PRRC2C: variants seen among roughly 807,000 people sequenced by gnomAD.
PRRC2C encodes protein PRRC2C.
PRRC2C carries 72 observed loss-of-function variants against 317.2 expected under a neutral mutation model. The ratio of observed to expected loss-of-function variants is 0.23; its 90% confidence interval spans 0.19 to 0.28. PRRC2C has a LOEUF of 0.28. PRRC2C is among the 10% of genes least tolerant of loss of function. The probability of loss-of-function intolerance (pLI) is 1.00; values close to 1 mark genes in which losing one functional copy is unlikely to be tolerated. For missense variants in PRRC2C, 3,074 were observed against 3,459.7 expected, an observed-to-expected ratio of 0.89 and a Z score of 2.80; for synonymous variants, 1,296 against 1,205.9, an observed-to-expected ratio of 1.07 and a Z score of -1.55.
At chr1:171,536,336 T>C in intron 14 of PRRC2C, 58 bp downstream of exon 14, 5 of 1,530,032 alleles carry the variant, frequency 3.3e-6, no homozygotes, top group Non-Finnish European at 4.5e-6. Context: ...TCCCTGCTTT[T>C]AGTTTCAGTT....
In PRRC2C at chr1:171,513,882, T is replaced by C. The variant is rs1671832730; in HGVS notation, c.291-654T>C. 2.0e-5 allele frequency among the ~76,000 whole-genome samples: 3 copies of C among 152,240 alleles called. No homozygotes were observed. In the South Asian group the frequency reaches 6.2e-4, roughly 31 times the overall value. ...CAAATACGTAAATGCTTGTTAGCTG[T>C]AGTAAAATTATTTTATAGTAATGAG... On this transcript the variant is annotated intron_variant, in intron 3 of 34. Transcript: ENST00000647382.
rs1433776441 is a variant in PRRC2C, at chr1:171,517,655, A to G, written c.591A>G (p.Glu197=). ...CACCTTCGTCATCTGATCAAGATGAAAAGCTCCCTGGCCAGGATGAAAGCA... is the reference window on the plus strand; with the variant it reads ...CACCTTCGTCATCTGATCAAGATGAGAAGCTCCCTGGCCAGGATGAAAGCA... The part of the protein sequence containing the change: ...AGSPSSSDQD[E]KLPGQDESTA... The change falls in exon 6 of 35, where the codon GAA becomes GAG. Residue 197 remains glutamate (E), a synonymous_variant. Coordinates refer to ENST00000647382, the MANE Select transcript of PRRC2C (RefSeq NM_001387844.1). 1 of 1,613,172 alleles carries G rather than the reference A, an allele frequency of 6.2e-7. No individual in the cohort carries two copies. Among genetic ancestry groups the G allele is most frequent in the African/African-American group, 1.3e-5 (1 of 74,672 alleles).
chr1:171,586,733 A>AC (rs1319183090), intron 30 of PRRC2C, among the ~76,000 whole-genome samples: 1 of 150,038 alleles, frequency 6.7e-6, no homozygotes, highest in Non-Finnish European at 1.5e-5. Flanking sequence ...GGCACATGCC[A>AC]CCACATGCAG....
intron 1 of PRRC2C, among the ~76,000 whole-genome samples, chr1:171,499,676 CACCTGT>C (rs1668741911): frequency 1.3e-5 from 2 of 152,084 alleles, no homozygotes; most frequent in Non-Finnish European, 2.9e-5. Flanking sequence ...TGGTGGCAGA[CACCTGT>C]AATCCCAGCT....
chr1:171,527,404 A>G (rs1674837244), intron 10 of PRRC2C, among the ~76,000 whole-genome samples: 1 of 151,684 alleles, frequency 6.6e-6, no homozygotes, highest in African/African-American at 2.4e-5. Flanking sequence ...AAGTGCTGGG[A>G]TTACACGTGT....
intron 4 of PRRC2C, among the ~76,000 whole-genome samples, chr1:171,515,196 A>G (rs907219660): frequency 1.3e-5 from 2 of 152,268 alleles, no homozygotes; most frequent in Admixed American, 6.5e-5. Context: ...TCAAGCTAAC[A>G]AAACTAGCTG....
At chr1:171,554,910 C>T (rs1681052225) in intron 18 of PRRC2C, among the ~76,000 whole-genome samples, 1 of 152,202 alleles carries the variant, frequency 6.6e-6, no homozygotes, top group Admixed American at 6.5e-5. Context: ...TCCTTCATTT[C>T]AACCTTGGTG....
Position 171,538,527 on chromosome 1 carries a change from TA to T in PRRC2C, c.2504+1055del, listed in dbSNP as rs940852305. 6.6e-4 allele frequency among the ~76,000 whole-genome samples: 100 copies of T among 152,284 alleles called. 1 individual carries two copies. Among genetic ancestry groups the T allele is most frequent in the African/African-American group, 2.4e-3 (98 of 41,558 alleles). Reference sequence around the variant, plus strand: ...GAACTTCCTGCCCTTTTATGGGCTATATTTTTTTGGTAATGTTTTATAATGT... The same window carrying T: ...GAACTTCCTGCCCTTTTATGGGCTATTTTTTTTGGTAATGTTTTATAATGT... On this transcript the variant is annotated intron_variant, in intron 15 of 34. Coordinates refer to ENST00000647382, the MANE Select transcript of PRRC2C (RefSeq NM_001387844.1).
intron 16 of PRRC2C, among the ~76,000 whole-genome samples, chr1:171,545,209 CAAAT>C (rs1383312288): frequency 6.6e-6 from 1 of 152,090 alleles, no homozygotes; most frequent in African/African-American, 2.4e-5. Context: ...ATATGATAGA[CAAAT>C]AGACTCTAAG....
chr1:171,555,340 G>A (rs574303066), intron 18 of PRRC2C, among the ~76,000 whole-genome samples: 2 of 152,178 alleles, frequency 1.3e-5, no homozygotes, highest in Non-Finnish European at 2.9e-5. Flanking sequence ...TTTCTACACT[G>A]TTTATTCTAG....
chr1:171,489,660 A>C (rs1328116614), intron 1 of PRRC2C, among the ~76,000 whole-genome samples: 1 of 152,214 alleles, frequency 6.6e-6, no homozygotes. Context: ...GATCTATTTA[A>C]ATCCATATTG....
rs764716693 is a variant in PRRC2C at position 171,542,050 on chromosome 1, G to C, written c.4584G>C (p.Lys1528Asn). ...ACTTGAATGCACAAACAGTTGTAAAGGTTGGAGAGAATGTTCTACCTCCAA... is the reference window on the plus strand; with the variant it reads ...ACTTGAATGCACAAACAGTTGTAAACGTTGGAGAGAATGTTCTACCTCCAA... ...NADLNAQTVV[K>N]VGENVLPPKR... Residue 1528 changes from lysine (K) to asparagine (N), a missense_variant, in exon 16 of 35, where the codon AAG becomes AAC. By Grantham distance (94) the Lys-to-Asn change is moderately conservative (BLOSUM62 0). Around this residue, in one of 11 missense-constraint regions of PRRC2C, gnomAD observed 178 missense variants for 163.0 expected, o/e 1.09. Transcript: ENST00000647382. 5.0e-6 allele frequency: 8 copies of C among 1,613,940 alleles called. No individual in the cohort carries two copies. The highest frequency in any genetic ancestry group is 6.8e-6 in the Non-Finnish European group (8 of 1,179,882).
intron 21 of PRRC2C, 35 bp downstream of exon 21, chr1:171,566,456 G>A (rs1183571357): frequency 6.6e-7 from 1 of 1,520,548 alleles, no homozygotes; most frequent in East Asian, 2.4e-5. Flanking sequence ...AAAATTTTAT[G>A]AAGGCCACTG....
chr1:171,557,742 C>T lies in PRRC2C; in HGVS notation c.5630C>T (p.Thr1877Met), dbSNP rs993366083. 5.7e-5 allele frequency: 89 copies of T among 1,551,346 alleles called. No homozygotes were observed. The highest frequency in any genetic ancestry group is 2.6e-4 in the Admixed American group (13 of 50,944). The change falls in exon 19 of 35, where the codon ACG (threonine) becomes ATG (methionine). Residue 1877 changes from threonine to methionine, a missense_variant. By Grantham distance (81) the Thr-to-Met change is moderately conservative. Around this residue, in one of 11 missense-constraint regions of PRRC2C, gnomAD observed 640 missense variants for 676.1 expected, o/e 0.95. Coordinates refer to ENST00000647382, the MANE Select transcript of PRRC2C (RefSeq NM_001387844.1). ...ASALASTSAPTPAPAASSPAA... is the reference protein window; with the variant it reads ...ASALASTSAPMPAPAASSPAA... Reference sequence around the variant, plus strand: ...GCCCTAGCATCAACTTCAGCTCCAACGCCAGCCCCAGCAGCCTCTTCCCCA... The same window carrying T: ...GCCCTAGCATCAACTTCAGCTCCAATGCCAGCCCCAGCAGCCTCTTCCCCA...
intron 17 of PRRC2C, among the ~76,000 whole-genome samples, chr1:171,548,386 C>T (rs1040454003): frequency 6.6e-6 from 1 of 152,198 alleles, no homozygotes; most frequent in African/African-American, 2.4e-5. Context: ...GTGACCACTT[C>T]CTTGATCATA....
At chr1:171,580,476 C>T (rs1242438297) in intron 28 of PRRC2C, among the ~76,000 whole-genome samples, 1 of 152,112 alleles carries the variant, frequency 6.6e-6, no homozygotes, top group African/African-American at 2.4e-5. Flanking sequence ...TGTAAGTTAC[C>T]TTTGCAACTA....
At chr1:171,581,422 G>A (rs1196446579) in intron 28 of PRRC2C, among the ~76,000 whole-genome samples, 1 of 152,132 alleles carries the variant, frequency 6.6e-6, no homozygotes, top group Non-Finnish European at 1.5e-5. Context: ...CACAGGCCGT[G>A]GGAGGTGGAG....
intron 10 of PRRC2C, among the ~76,000 whole-genome samples, chr1:171,526,993 G>A (rs1453879655): frequency 1.3e-5 from 2 of 151,580 alleles, no homozygotes; most frequent in African/African-American, 4.8e-5. Context: ...ATCTTTAGTA[G>A]AGACAGGTTT....
Position 171,587,761 on chromosome 1 carries a change from G to T in PRRC2C, c.8072+10G>T. ...CATCTAGTCCCTTCCGGTAAAATGG[G>T]CATTTAAATTTGCTTATGAAATTCC... is the stretch of plus-strand genomic sequence containing the variant. On this transcript the variant is annotated intron_variant, in intron 32 of 34. Transcript: ENST00000647382. 1 of 1,583,282 alleles carries T rather than the reference G, an allele frequency of 6.3e-7. No homozygotes were observed. The highest frequency in any genetic ancestry group is 8.7e-7 in the Non-Finnish European group (1 of 1,153,280).
Sources: gnomAD v4.1 joint callset for allele counts (sites outside exome capture counted in the v4.1 genomes callset) on GRCh38, gnomAD v4.1.1 for gene constraint, gnomAD v4.1.1 regional missense constraint, MANE v1.5 for transcripts, NCBI Gene and HGNC (gene_info 2026-07-23, HGNC 2026-07-21) for gene names.